The following CCDC7 variants were observed in gnomAD, a reference collection of about 807,000 sequenced individuals.
The protein encoded by CCDC7 is coiled-coil domain containing 7, also known as coiled-coil domain-containing protein 7.
A neutral mutation model predicts 196.9 loss-of-function variants in CCDC7; 183 were observed. That is an observed-to-expected ratio of 0.93 (90% CI 0.82 to 1.05). The LOEUF (loss-of-function observed/expected upper bound fraction) is 1.05, where lower values mean the gene tolerates loss of function less well. Ranked by LOEUF, CCDC7 falls within the 50% of genes least tolerant of loss-of-function variation. CCDC7 has a pLI of 0.00. For synonymous variants in CCDC7, 525 were observed against 484.6 expected (o/e 1.08, Z -1.10); for missense variants, 1,540 against 1,482.2 (o/e 1.04, Z -0.64).
At chr10:32,748,792 C>A (rs918925469) in intron 28 of CCDC7, among the ~76,000 whole-genome samples, 1 of 152,036 alleles carries the variant, frequency 6.6e-6, no homozygotes, top group Non-Finnish European at 1.5e-5. Context: ...AAACCCTAGT[C>A]GGTTTGGCTC....
intron 14 of CCDC7, among the ~76,000 whole-genome samples, chr10:32,567,067 TATATA>T (rs1234386139): frequency 6.8e-6 from 1 of 145,998 alleles, no homozygotes; most frequent in African/African-American, 2.5e-5. Context: ...ATATAGCTAA[TATATA>T]ATATATATTA....
At position 32,728,127 on chromosome 10, in the gene CCDC7, T is replaced by C. The variant is rs115448200; in HGVS notation, c.2669-760T>C. Among the ~76,000 whole-genome samples, 983 of 152,252 alleles carry C rather than the reference T, an allele frequency of 6.5e-3. 6 individuals carry two copies. The highest frequency in any genetic ancestry group is 0.022 in the African/African-American group (920 of 41,554). ...CTCCCCCTTGAGTGAAGCTTCTCTGTCATGACACTCTGAAGGAGGGGTTCT... is the reference window on the plus strand; with the variant it reads ...CTCCCCCTTGAGTGAAGCTTCTCTGCCATGACACTCTGAAGGAGGGGTTCT... On this transcript the variant is annotated intron_variant, in intron 26 of 41. Coordinates refer to ENST00000639629, the Ensembl canonical transcript of CCDC7.
chr10:32,495,785 G>T (rs879548283), intron 9 of CCDC7, among the ~76,000 whole-genome samples: 6 of 152,124 alleles, frequency 3.9e-5, no homozygotes, highest in Non-Finnish European at 5.9e-5. Context: ...TGCTGTTTTG[G>T]TTACTGTAGC....
chr10:32,836,125 A>C (rs2092583319), intron 33 of CCDC7, among the ~76,000 whole-genome samples: 2 of 152,070 alleles, frequency 1.3e-5, no homozygotes, highest in South Asian at 4.1e-4. Context: ...TTTTTCCTTG[A>C]TCTTTGGTGA....
intron 25 of CCDC7, among the ~76,000 whole-genome samples, chr10:32,726,064 C>T (rs2083078198): frequency 6.6e-6 from 1 of 151,872 alleles, no homozygotes; most frequent in Non-Finnish European, 1.5e-5. Context: ...ACAGTGTTTT[C>T]TTGCTTATTT....
chr10:32,875,657 G>A (rs533653074), intron 41 of CCDC7, among the ~76,000 whole-genome samples: 1 of 152,008 alleles, frequency 6.6e-6, no homozygotes, highest in East Asian at 1.9e-4. Context: ...AGGCCCTTTG[G>A]TTGTTTCCCG....
At chr10:32,671,074 G>A (rs1040331202) in intron 21 of CCDC7, among the ~76,000 whole-genome samples, 2 of 152,052 alleles carry the variant, frequency 1.3e-5, no homozygotes, top group African/African-American at 4.8e-5. Flanking sequence ...ATTTATTATT[G>A]AATAAAGAAA....
At chr10:32,528,791 ATACTTT>A in intron 11 of CCDC7, among the ~76,000 whole-genome samples, 1 of 128,500 alleles carries the variant, frequency 7.8e-6, no homozygotes, top group South Asian at 2.4e-4. Context: ...ATTCCATGGA[ATACTTT>A]TATATATATA....
rs115276544 is a variant in CCDC7 at position 32,714,073 on chromosome 10, G to C, written c.2569+2343G>C. Among the ~76,000 whole-genome samples, 1,029 of 152,304 alleles carry C rather than the reference G, an allele frequency of 6.8e-3. 5 individuals carry two copies. Among genetic ancestry groups the C allele is most frequent in the African/African-American group, 0.023 (942 of 41,566 alleles). On this transcript the variant is annotated intron_variant, in intron 25 of 41. Coordinates refer to ENST00000639629, the Ensembl canonical transcript of CCDC7. ...GGTTCTCTAATTTGAACCACTGTGG[G>C]AGTTTGGTTAGAAAACTGGGGGCTA... is the stretch of plus-strand genomic sequence containing the variant.
chr10:32,459,937 A>G (rs540976148), intron 3 of CCDC7, among the ~76,000 whole-genome samples: 2 of 152,186 alleles, frequency 1.3e-5, no homozygotes, highest in African/African-American at 4.8e-5. Context: ...CCTTTTATAT[A>G]TGGAAAATTT....
intron 18 of CCDC7, among the ~76,000 whole-genome samples, chr10:32,596,845 A>G (rs1299819095): frequency 6.6e-6 from 1 of 152,166 alleles, no homozygotes; most frequent in Admixed American, 6.5e-5. Context: ...AGAATGTTGA[A>G]TATTGGCCCC....
chr10:32,595,608 T>G (rs2060252212), intron 18 of CCDC7, among the ~76,000 whole-genome samples: 1 of 152,200 alleles, frequency 6.6e-6, no homozygotes, highest in Admixed American at 6.5e-5. Context: ...TTGCTCTTGC[T>G]TCTCTAGTTC....
At chr10:32,560,072 G>C (rs2055175297) in intron 13 of CCDC7, among the ~76,000 whole-genome samples, 1 of 152,212 alleles carries the variant, frequency 6.6e-6, no homozygotes, top group Non-Finnish European at 1.5e-5. Context: ...AAGGGTATCA[G>C]TGATGGAAGA....
At chr10:32,835,346 A>G (rs57916700) in intron 33 of CCDC7, among the ~76,000 whole-genome samples, 3 of 152,206 alleles carry the variant, frequency 2.0e-5, no homozygotes, top group African/African-American at 7.2e-5. Context: ...GCTTATATTT[A>G]GGATAGTTAG....
chr10:32,769,816 C>T (rs187953945), intron 28 of CCDC7, among the ~76,000 whole-genome samples: 1 of 152,226 alleles, frequency 6.6e-6, no homozygotes, highest in African/African-American at 2.4e-5. Flanking sequence ...TGAACTCATC[C>T]TTTTTATGTC....
intron 18 of CCDC7, among the ~76,000 whole-genome samples, chr10:32,613,259 G>T (rs914691799): frequency 2.6e-5 from 4 of 152,020 alleles, no homozygotes; most frequent in Admixed American, 6.5e-5. Context: ...TGTGGGATTG[G>T]TGGTGATATC....
intron 21 of CCDC7, among the ~76,000 whole-genome samples, chr10:32,666,431 G>T (rs760716988): frequency 1.3e-4 from 20 of 151,936 alleles, no homozygotes; most frequent in Admixed American, 4.6e-4. Flanking sequence ...CAACGTGCAG[G>T]TTTGTTACAT....
intron 41 of CCDC7, among the ~76,000 whole-genome samples, chr10:32,856,170 T>C (rs2093745667): frequency 6.6e-6 from 1 of 152,204 alleles, no homozygotes; most frequent in Non-Finnish European, 1.5e-5. Flanking sequence ...TGGCAATGAC[T>C]TCTTGGATGA....
rs771980704 is a variant in CCDC7, at chr10:32,689,176, A to G, written c.2344+13A>G. ...CAAAGAATTATTAGTAAGTATAAAA[A>G]GTAAAGATAACTTTAAATTATTTAA... On this transcript the variant is annotated intron_variant, in intron 23 of 41. Coordinates refer to ENST00000639629, the Ensembl canonical transcript of CCDC7. 6 of 1,452,468 alleles carry G rather than the reference A, an allele frequency of 4.1e-6. No homozygotes were observed. The African/African-American group carries it at 8.5e-5, about 21-fold the overall frequency. 90.0% of individuals were successfully genotyped at this position (1,452,468 alleles called of 1,614,324 possible).
Sources: gnomAD v4.1 joint callset for allele counts (sites outside exome capture counted in the v4.1 genomes callset) on GRCh38, gnomAD v4.1.1 for gene constraint, MANE v1.5 for transcripts, NCBI Gene and HGNC (gene_info 2026-07-23, HGNC 2026-07-21) for gene names.